Variants in KANSL1 observed in about 807,000 individuals in gnomAD.
KANSL1 encodes the protein KAT8 regulatory NSL complex subunit 1.
In KANSL1, 22 loss-of-function variants were observed where a neutral mutation model predicts 103.6. That is an observed-to-expected ratio of 0.21 (90% CI 0.15 to 0.30). The LOEUF (loss-of-function observed/expected upper bound fraction) is 0.30, where lower values mean the gene tolerates loss of function less well. Ranked by LOEUF, KANSL1 falls within the 10% of genes least tolerant of loss-of-function variation. The probability of loss-of-function intolerance (pLI) is 1.00; values close to 1 mark genes in which losing one functional copy is unlikely to be tolerated. For missense variants in KANSL1, 1,337 were observed against 1,399.8 expected, an observed-to-expected ratio of 0.96 and a Z score of 0.72; for synonymous variants, 600 against 527.6, an observed-to-expected ratio of 1.14 and a Z score of -1.88.
intron 2 of KANSL1, among the ~76,000 whole-genome samples, chr17:46,139,412 C>CATTTTCCATT (rs1408567425): frequency 1.3e-5 from 2 of 152,180 alleles, no homozygotes; most frequent in African/African-American, 4.8e-5. Context: ...TGAAGTTACT[C>CATTTTCCATT]ATTTTCCATT....
At position 46,032,269 on chromosome 17, in the gene KANSL1, G is replaced by A; in HGVS notation, c.2868C>T (p.Thr956=). 1 of 1,532,590 alleles carries A rather than the reference G, an allele frequency of 6.5e-7. No individual in the cohort carries two copies. The highest frequency in any genetic ancestry group is 8.8e-7 in the Non-Finnish European group (1 of 1,139,408). 94.9% of individuals were successfully genotyped at this position (1,532,590 alleles called of 1,614,324 possible). Reference sequence around the variant, plus strand: ...AGGGGTTGGCACTGCCCAGCTGGGGGGTTGTCCGGCCGTCTGATGACCTGT... The same window carrying A: ...AGGGGTTGGCACTGCCCAGCTGGGGAGTTGTCCGGCCGTCTGATGACCTGT... The part of the protein sequence containing the change: ...RSYRSSDGRT[T]PQLGSANPST... The change falls in exon 14 of 15, where the codon ACC becomes ACT. Residue 956 remains threonine, a synonymous_variant. Coordinates refer to ENST00000432791, the MANE Select transcript of KANSL1 (RefSeq NM_015443.4).
chr17:46,206,388 T>G (rs1362240675), intron 1 of KANSL1, among the ~76,000 whole-genome samples: 1 of 152,240 alleles, frequency 6.6e-6, no homozygotes, highest in Non-Finnish European at 1.5e-5. Flanking sequence ...GACAGTCAAT[T>G]GATTTTATGA....
chr17:46,161,435 CA>C (rs367893192), intron 2 of KANSL1, among the ~76,000 whole-genome samples: 63 of 134,910 alleles, frequency 4.7e-4, no homozygotes, highest in East Asian at 6.7e-4. Context: ...GACTCTGTCT[CA>C]AAAAAAAAAA....
chr17:46,093,825 A>C (rs1344992866), intron 3 of KANSL1: 1 of 152,262 alleles, frequency 6.6e-6, no homozygotes, highest in Non-Finnish European at 1.5e-5. Context: ...CTTTGCAAGA[A>C]TGTAAGCTTC....
At chr17:46,174,936 A>G (rs2147779203) in intron 1 of KANSL1, among the ~76,000 whole-genome samples, 1 of 152,356 alleles carries the variant, frequency 6.6e-6, no homozygotes, top group South Asian at 2.1e-4. Flanking sequence ...GATTATAGGC[A>G]TAAGCCGCCA....
At chr17:46,200,307 G>T (rs1429021668) in intron 1 of KANSL1, among the ~76,000 whole-genome samples, 2 of 152,198 alleles carry the variant, frequency 1.3e-5, no homozygotes, top group Non-Finnish European at 2.9e-5. Flanking sequence ...TTTTCCAAAG[G>T]AAACATAAAG....
intron 2 of KANSL1, among the ~76,000 whole-genome samples, chr17:46,136,921 C>CTTTCA: frequency 6.6e-6 from 1 of 152,334 alleles, no homozygotes; most frequent in East Asian, 1.9e-4. Flanking sequence ...GTTACTTTTA[C>CTTTCA]TTTCAGGGTT....
intron 2 of KANSL1, among the ~76,000 whole-genome samples, chr17:46,117,932 G>A (rs1400281539): frequency 6.6e-6 from 1 of 152,050 alleles, no homozygotes; most frequent in Non-Finnish European, 1.5e-5. Flanking sequence ...TTATTAAATT[G>A]GAAATTCTTT....
intron 7 of KANSL1, among the ~76,000 whole-genome samples, chr17:46,047,307 T>C (rs2077547630): frequency 6.6e-6 from 1 of 152,234 alleles, no homozygotes; most frequent in South Asian, 2.1e-4. Context: ...GGATTCTCTC[T>C]AGGACAAGGG....
intron 6 of KANSL1, among the ~76,000 whole-genome samples, chr17:46,059,448 G>A (rs879483616): frequency 4.6e-4 from 70 of 151,546 alleles, no homozygotes; most frequent in African/African-American, 1.6e-3. Context: ...GTGAAACCCC[G>A]TCTCTACTAA....
rs140502728 is a variant in KANSL1 at position 46,143,655 on chromosome 17, T to C, written c.1289+27200A>G. Among the ~76,000 whole-genome samples the C allele has an allele frequency of 7.2e-3, 1,088 of 151,564 alleles. 56 individuals are homozygous for C. In the East Asian group the frequency reaches 0.12, roughly 16 times the overall value. On this transcript the variant is annotated intron_variant, in intron 2 of 14. Transcript: ENST00000432791. Reference sequence around the variant, plus strand: ...CTGTCTCTAGTAAAAATACAAAAAATTAGCCGGGCGTTGTGGCGGGCGCCT... The same window carrying C: ...CTGTCTCTAGTAAAAATACAAAAAACTAGCCGGGCGTTGTGGCGGGCGCCT...
At chr17:46,101,800 A>G (rs1364715442) in intron 2 of KANSL1, among the ~76,000 whole-genome samples, 1 of 146,136 alleles carries the variant, frequency 6.8e-6, no homozygotes, top group Non-Finnish European at 1.6e-5. Flanking sequence ...TTTAGTCATT[A>G]TAACCATGGA....
intron 1 of KANSL1, chr17:46,221,176 C>G (rs564952595): frequency 6.6e-6 from 1 of 151,878 alleles, no homozygotes; most frequent in African/African-American, 2.4e-5. Flanking sequence ...TTAATTCTCT[C>G]GTTTTGCTTG....
chr17:46,218,611 C>T (rs1567813824), intron 1 of KANSL1, among the ~76,000 whole-genome samples: 1 of 151,942 alleles, frequency 6.6e-6, no homozygotes, highest in Non-Finnish European at 1.5e-5. Flanking sequence ...AGTGAAACCC[C>T]GTCTCTACTA....
At chr17:46,141,599 TATACTCATAAAAGGA>T (rs1395523196) in intron 2 of KANSL1, among the ~76,000 whole-genome samples, 1 of 152,194 alleles carries the variant, frequency 6.6e-6, no homozygotes, top group Non-Finnish European at 1.5e-5. Flanking sequence ...TCAGAGAGTG[TATACTCATAAAAGGA>T]ATTAAAAAGA....
Position 46,192,988 on chromosome 17 carries a change from C to T in KANSL1, c.-255G>A, listed in dbSNP as rs1158263669. 2 of 151,852 alleles carry T rather than the reference C, an allele frequency of 1.3e-5. No homozygotes were observed. Among genetic ancestry groups the T allele is most frequent in the Non-Finnish European group, 2.9e-5 (2 of 68,062 alleles). The allele number at this position is 151,852 out of a possible 1,614,324, so 9.4% of individuals were successfully genotyped here. ...TCCTCCCCCCGACGCCCGGAGCCGCCCTGACTTTCCGGGCGGGGGGGCGAG... is the reference window on the plus strand; with the variant it reads ...TCCTCCCCCCGACGCCCGGAGCCGCTCTGACTTTCCGGGCGGGGGGGCGAG... On this transcript the variant is annotated 5_prime_UTR_variant, in exon 1 of 15. Coordinates refer to ENST00000432791, the MANE Select transcript of KANSL1 (RefSeq NM_015443.4).
At chr17:46,147,037 G>A (rs902441345) in intron 2 of KANSL1, among the ~76,000 whole-genome samples, 5 of 152,032 alleles carry the variant, frequency 3.3e-5, no homozygotes, top group Non-Finnish European at 7.4e-5. Flanking sequence ...CTAAAAATAA[G>A]TAAATAAATA....
intron 6 of KANSL1, among the ~76,000 whole-genome samples, chr17:46,053,677 TGCCCGCCTCG>T (rs1458377651): frequency 6.6e-6 from 1 of 152,144 alleles, no homozygotes; most frequent in Non-Finnish European, 1.5e-5. Flanking sequence ...CCTCGTGATC[TGCCCGCCTCG>T]GCCTCCCAAA....
intron 6 of KANSL1, among the ~76,000 whole-genome samples, chr17:46,062,121 A>AC (rs573699659): frequency 0.099 from 8,857 of 89,792 alleles, 645 homozygotes; most frequent in African/African-American, 0.23. Context: ...AAACAAACAA[A>AC]AAAAAAAAAA....
Sources: gnomAD v4.1 joint callset for allele counts (sites outside exome capture counted in the v4.1 genomes callset) on GRCh38, gnomAD v4.1.1 for gene constraint, MANE v1.5 for transcripts, NCBI Gene and HGNC (gene_info 2026-07-23, HGNC 2026-07-21) for gene names.